ATRNL1: variants seen among roughly 807,000 people sequenced by gnomAD.
The protein encoded by ATRNL1 is attractin-like protein 1.
ATRNL1 carries 95 observed loss-of-function variants against 182.7 expected under a neutral mutation model. The ratio of observed to expected loss-of-function variants is 0.52; its 90% CI spans 0.44 to 0.62. ATRNL1 has a LOEUF of 0.62. Among genes scored for constraint, ATRNL1 ranks in the 20% least tolerant of loss-of-function variants. ATRNL1 has a pLI of 0.00. For synonymous variants in ATRNL1, 576 were observed against 568.3 expected, an observed-to-expected ratio of 1.01 and a Z score of -0.19; for missense variants, 1,471 against 1,679.5, an observed-to-expected ratio of 0.88 and a Z score of 2.17.
At chr10:115,206,527 A>G (rs782183981) in intron 8 of ATRNL1, among the ~76,000 whole-genome samples, 2 of 152,074 alleles carry the variant, frequency 1.3e-5, no homozygotes, top group Non-Finnish European at 2.9e-5. Flanking sequence ...TATCATATCT[A>G]TATAGGTTAT....
At chr10:115,185,592 C>T (rs1357623085) in intron 8 of ATRNL1, among the ~76,000 whole-genome samples, 1 of 151,990 alleles carries the variant, frequency 6.6e-6, no homozygotes, top group Non-Finnish European at 1.5e-5. Context: ...ACATAGGATG[C>T]AGACTGTCAT....
Position 115,847,898 on chromosome 10 carries a change from A to T in ATRNL1, c.3925A>T (p.Ile1309Phe). The T allele has an allele frequency of 1.9e-6, 3 of 1,611,994 alleles. No homozygotes were observed. Among genetic ancestry groups the T allele is most frequent in the Middle Eastern group, 1.7e-4 (1 of 6,056 alleles). ...TCAGGGGGCACCCAAGCCAATTGCC[A>T]TTGAACCATGTGCTGGGAACAGAGC... ...PLEGAPKPIA[I>F]EPCAGNRAAV... Residue 1309 changes from isoleucine (I) to phenylalanine (F), a missense_variant, in exon 28 of 29, where the codon ATT becomes TTT. By Grantham distance (21) the Ile-to-Phe change is conservative. Coordinates refer to ENST00000355044, the MANE Select transcript of ATRNL1 (RefSeq NM_207303.4).
chr10:115,887,040 G>A (rs1482116613), intron 28 of ATRNL1, among the ~76,000 whole-genome samples: 2 of 152,144 alleles, frequency 1.3e-5, no homozygotes, highest in East Asian at 3.9e-4. Context: ...CTAACCATGT[G>A]CAGGCATCAT....
intron 19 of ATRNL1, among the ~76,000 whole-genome samples, chr10:115,345,003 C>T (rs1554939327): frequency 6.6e-6 from 1 of 152,212 alleles, no homozygotes. Flanking sequence ...ACTTTTCCCA[C>T]ACCTCTTCTC....
chr10:115,663,141 C>T (rs74158217), intron 26 of ATRNL1, among the ~76,000 whole-genome samples: 1 of 151,976 alleles, frequency 6.6e-6, no homozygotes, highest in Non-Finnish European at 1.5e-5. Context: ...GCTCAATATA[C>T]ATTATATTAT....
At chr10:115,657,658 C>T (rs577272020) in intron 26 of ATRNL1, among the ~76,000 whole-genome samples, 64 of 152,206 alleles carry the variant, frequency 4.2e-4, no homozygotes, top group Non-Finnish European at 7.6e-4. Context: ...TTAGAATTCC[C>T]GGCCCATTAA....
intron 27 of ATRNL1, among the ~76,000 whole-genome samples, chr10:115,730,425 T>C (rs1322040984): frequency 2.6e-5 from 4 of 152,158 alleles, no homozygotes; most frequent in African/African-American, 9.7e-5. Context: ...TTAACCATTG[T>C]CTCAAGTCTG....
chr10:115,843,839 C>T (rs1342571897), intron 27 of ATRNL1, among the ~76,000 whole-genome samples: 1 of 152,020 alleles, frequency 6.6e-6, no homozygotes, highest in Non-Finnish European at 1.5e-5. Context: ...AGTCTTCCTA[C>T]CTATTACAGG....
chr10:115,474,632 G>T (rs782712134), intron 24 of ATRNL1, among the ~76,000 whole-genome samples: 2 of 151,094 alleles, frequency 1.3e-5, no homozygotes, highest in African/African-American at 2.4e-5. Context: ...GTGGTGTTAG[G>T]ACTCTTCACT....
chr10:115,718,326 A>G (rs1947318452), intron 26 of ATRNL1, among the ~76,000 whole-genome samples: 1 of 150,598 alleles, frequency 6.6e-6, no homozygotes. Context: ...ATTTTTTTCC[A>G]TAATACTTTT....
intron 25 of ATRNL1, among the ~76,000 whole-genome samples, chr10:115,546,695 T>C (rs1844126622): frequency 6.6e-6 from 1 of 152,104 alleles, no homozygotes. Flanking sequence ...AGGAAAATGC[T>C]GTTGGAAGGG....
intron 10 of ATRNL1, among the ~76,000 whole-genome samples, chr10:115,260,344 C>T (rs966560581): frequency 7.2e-5 from 11 of 152,208 alleles, no homozygotes; most frequent in East Asian, 1.9e-4. Context: ...GCTGTTAGTC[C>T]GATTTATGGT....
chr10:115,935,540 G>A (rs1354834372), intron 28 of ATRNL1, among the ~76,000 whole-genome samples: 1 of 152,122 alleles, frequency 6.6e-6, no homozygotes, highest in Non-Finnish European at 1.5e-5. Flanking sequence ...GGCTGCAAAT[G>A]AGCGGAGTGA....
chr10:115,586,387 A>G (rs1855504034), intron 26 of ATRNL1, among the ~76,000 whole-genome samples: 1 of 105,216 alleles, frequency 9.5e-6, no homozygotes, highest in Admixed American at 1.2e-4. Context: ...ACTTTCAGGT[A>G]CACCAATCAG....
chr10:115,727,380 G>T, intron 27 of ATRNL1, 25 bp downstream of exon 27: 2 of 1,542,308 alleles, frequency 1.3e-6, no homozygotes, highest in South Asian at 1.1e-5. Context: ...GCTGAAAGAG[G>T]ACCACTGTGC....
At chr10:115,698,783 A>C (rs1946643387) in intron 26 of ATRNL1, among the ~76,000 whole-genome samples, 1 of 152,130 alleles carries the variant, frequency 6.6e-6, no homozygotes, top group Non-Finnish European at 1.5e-5. Context: ...TCTCAAAAAA[A>C]AAAAGAAGAA....
intron 8 of ATRNL1, among the ~76,000 whole-genome samples, chr10:115,177,903 G>GTTTTTTTTTTTTTTT (rs147613896): frequency 2.9e-5 from 3 of 102,058 alleles, no homozygotes; most frequent in Non-Finnish European, 1.9e-5. Context: ...TTGTTTTTTT[G>GTTTTTTTTTTTTTTT]TTTTTTTTGT....
chr10:115,591,255 A>G (rs970159164), intron 26 of ATRNL1, among the ~76,000 whole-genome samples: 1 of 152,172 alleles, frequency 6.6e-6, no homozygotes, highest in Non-Finnish European at 1.5e-5. Context: ...CTATACCTCA[A>G]TTTCCCACAA....
At position 115,785,090 on chromosome 10, in the gene ATRNL1, G is replaced by A. The variant is rs369336339; in HGVS notation, c.3903+57735G>A. ...ATCTCATCATCTAAACCAGGTATAG[G>A]TAAGACTGTGAGTATGATCTATCCT... is the stretch of plus-strand genomic sequence containing the variant. On this transcript the variant is annotated intron_variant, in intron 27 of 28. Transcript: ENST00000355044. Among the ~76,000 whole-genome samples the A allele has an allele frequency of 7.9e-5, 12 of 152,286 alleles. No homozygotes were observed. The East Asian group carries it at 2.3e-3, about 29-fold the overall frequency.
Sources: allele counts gnomAD v4.1 joint callset (sites outside exome capture counted in the v4.1 genomes callset), GRCh38; gene constraint gnomAD v4.1.1; transcripts MANE v1.5; gene names NCBI Gene and HGNC (gene_info 2026-07-23, HGNC 2026-07-21).